PLEKHD1: variants seen among roughly 807,000 people sequenced by gnomAD.
PLEKHD1 encodes the protein pleckstrin homology and coiled-coil domain containing D1.
PLEKHD1 carries 51 observed loss-of-function variants against 69.2 expected under a neutral mutation model. The ratio of observed to expected loss-of-function variants is 0.74; its 90% CI spans 0.59 to 0.93. The LOEUF (loss-of-function observed/expected upper bound fraction) is 0.93. PLEKHD1 is among the 40% of genes least tolerant of loss of function. The pLI is 0.00. For synonymous variants in PLEKHD1, 236 were observed against 244.7 expected, an observed-to-expected ratio of 0.96 and a Z score of 0.33; for missense variants, 584 against 641.0, an observed-to-expected ratio of 0.91 and a Z score of 0.96.
the PLEKHD1 span, among the ~76,000 whole-genome samples, chr14:69,470,828 A>C: frequency 6.6e-6 from 1 of 151,218 alleles, no homozygotes; most frequent in African/African-American, 2.4e-5. Context: ...GTGCAGTGGC[A>C]TGATCTTGGC....
At position 69,500,216 on chromosome 14, in the gene PLEKHD1, G is replaced by T; in HGVS notation, c.243+8G>T. 1.3e-6 allele frequency: 2 copies of T among 1,539,416 alleles called. No individual in the cohort carries two copies. Among genetic ancestry groups the T allele is most frequent in the East Asian group, 2.4e-5 (1 of 40,862 alleles). ...TTCAATATACATCCTAAGGTGAGGC[G>T]GCCCCTCCCAGGGCCACAGCAGGGG... On this transcript the variant is annotated splice_region_variant and intron_variant, in intron 2 of 12. Coordinates refer to ENST00000322564, the MANE Select transcript of PLEKHD1 (RefSeq NM_001161498.2).
At chr14:69,482,994 G>A (rs1357649314), upstream of PLEKHD1, among the ~76,000 whole-genome samples, 3 of 152,294 alleles carry the variant, frequency 2.0e-5, no homozygotes, top group East Asian at 5.8e-4. Context: ...ATTAGACCAT[G>A]TGTCAGAAAT....
At position 69,502,799 on chromosome 14, in the gene PLEKHD1, A is replaced by ATG. The variant is rs149244621; in HGVS notation, c.503-15_503-14dup. On this transcript the variant is annotated intron_variant, in intron 5 of 12. Coordinates refer to ENST00000322564, the MANE Select transcript of PLEKHD1 (RefSeq NM_001161498.2). ...AGAGCACTTTCCTGATTGTGTGTGC[A>ATG]TGTGTGTGTGTGTGCTTGTTTTGGC... 1.4e-4 allele frequency: 219 copies of ATG among 1,536,098 alleles called. 1 individual carries two copies. The highest frequency in any genetic ancestry group is 3.4e-4 in the Middle Eastern group (2 of 5,970).
rs189743931 is a variant in PLEKHD1, at chr14:69,501,711, T to A, written c.411-23T>A. ...CTGTTTCTTCCTCTTCTCTCCTCTGTCCCATCTGCCCTCCCTCCCCAGGAC... is the reference window on the plus strand; with the variant it reads ...CTGTTTCTTCCTCTTCTCTCCTCTGACCCATCTGCCCTCCCTCCCCAGGAC... On this transcript the variant is annotated intron_variant, in intron 4 of 12. Transcript: ENST00000322564. The A allele has an allele frequency of 4.3e-5, 65 of 1,517,854 alleles. No homozygotes were observed. In the Middle Eastern group the frequency reaches 1.9e-3, roughly 43 times the overall value. The allele number at this position is 1,517,854 out of a possible 1,614,324, so 94.0% of individuals were successfully genotyped here.
At position 69,526,101 on chromosome 14, in the gene PLEKHD1, A is replaced by G. The variant is rs1374249898; in HGVS notation, c.902A>G (p.Glu301Gly). 6.4e-7 allele frequency: 1 copy of G among 1,550,714 alleles called. No homozygotes were observed. Among genetic ancestry groups the G allele is most frequent in the Non-Finnish European group, 8.7e-7 (1 of 1,146,668 alleles). The change falls in exon 9 of 13, where the codon GAG (glutamate) becomes GGG (glycine). Residue 301 changes from glutamate (E) to glycine (G), a missense_variant. Coordinates refer to ENST00000322564, the MANE Select transcript of PLEKHD1 (RefSeq NM_001161498.2). ...GAGAAGATGCAGCAGCTCTTAGAGG[A>G]GAAGCTCCTGGCAGAGAAGCGGTGA... ...IEEKMQQLLE[E>G]KLLAEKRMKE...
chr14:69,522,219 G>T, intron 6 of PLEKHD1, 64 bp from the exon 7 acceptor site: 1 of 1,445,256 alleles, frequency 6.9e-7, no homozygotes. Flanking sequence ...GATAGAGTGG[G>T]GGATCCTGAT....
At position 69,502,927 on chromosome 14, in the gene PLEKHD1, C is replaced by A. The variant is rs752306330; in HGVS notation, c.555+48C>A. 1.9e-6 allele frequency: 3 copies of A among 1,542,140 alleles called. No homozygotes were observed. The African/African-American group carries it at 4.1e-5, about 21-fold the overall frequency. ...TCAGCAGCCGTGGTGTAATGGCTCA[C>A]GTTTCTAGCACTAGGGAATGATGCA... On this transcript the variant is annotated intron_variant, in intron 6 of 12. Coordinates refer to ENST00000322564, the MANE Select transcript of PLEKHD1 (RefSeq NM_001161498.2).
At chr14:69,518,406 T>C (rs565297861) in intron 6 of PLEKHD1, among the ~76,000 whole-genome samples, 1 of 152,298 alleles carries the variant, frequency 6.6e-6, no homozygotes, top group South Asian at 2.1e-4. Context: ...CTGTTTTTGC[T>C]TATCTTCATA....
At chr14:69,506,971 C>T (rs931626342) in intron 6 of PLEKHD1, among the ~76,000 whole-genome samples, 3 of 143,652 alleles carry the variant, frequency 2.1e-5, no homozygotes, top group Non-Finnish European at 4.5e-5. Context: ...GGCGCGATCT[C>T]GGCTCACTGC....
the PLEKHD1 span, among the ~76,000 whole-genome samples, chr14:69,475,569 TGAG>T: frequency 6.6e-6 from 1 of 152,208 alleles, no homozygotes; most frequent in Non-Finnish European, 1.5e-5. Flanking sequence ...GCCCTGCTGA[TGAG>T]AACACAGCCC....
intron 1 of PLEKHD1, among the ~76,000 whole-genome samples, chr14:69,498,936 G>A (rs1882959035): frequency 6.6e-6 from 1 of 152,122 alleles, no homozygotes; most frequent in Admixed American, 6.5e-5. Flanking sequence ...ACAGGTGTGA[G>A]CCACAGAACC....
chr14:69,507,903 G>A (rs1275938959), intron 6 of PLEKHD1, among the ~76,000 whole-genome samples: 2 of 151,950 alleles, frequency 1.3e-5, no homozygotes, highest in East Asian at 3.9e-4. Context: ...TATAGAGATG[G>A]GGTCTCCTTA....
intron 1 of PLEKHD1, among the ~76,000 whole-genome samples, chr14:69,488,478 C>A (rs1245353100): frequency 6.6e-6 from 1 of 152,152 alleles, no homozygotes; most frequent in Non-Finnish European, 1.5e-5. Flanking sequence ...CCTCAGCTGG[C>A]TGTGTGAGGT....
At chr14:69,516,755 G>A (rs1227174461) in intron 6 of PLEKHD1, among the ~76,000 whole-genome samples, 2 of 151,790 alleles carry the variant, frequency 1.3e-5, no homozygotes, top group Non-Finnish European at 2.9e-5. Flanking sequence ...CTGCAGCCTC[G>A]ACCTCCTGGG....
intron 1 of PLEKHD1, among the ~76,000 whole-genome samples, chr14:69,493,990 G>T (rs151011510): frequency 6.6e-6 from 1 of 152,190 alleles, no homozygotes; most frequent in Non-Finnish European, 1.5e-5. Context: ...GGAGGTCAGG[G>T]AGCTGGCCAG....
At chr14:69,480,933 A>G (rs984913911), upstream of PLEKHD1, among the ~76,000 whole-genome samples, 1 of 152,224 alleles carries the variant, frequency 6.6e-6, no homozygotes, top group African/African-American at 2.4e-5. Context: ...AATTACAGGC[A>G]TGGGCCACCA....
the PLEKHD1 span, among the ~76,000 whole-genome samples, chr14:69,474,938 C>T: frequency 6.6e-6 from 1 of 152,112 alleles, no homozygotes; most frequent in Non-Finnish European, 1.5e-5. Flanking sequence ...TCAATGTGAC[C>T]TCGAGTTCCT....
chr14:69,505,263 T>C (rs1288003350), intron 6 of PLEKHD1, among the ~76,000 whole-genome samples: 1 of 152,194 alleles, frequency 6.6e-6, no homozygotes, highest in Non-Finnish European at 1.5e-5. Context: ...AGCTGCATGC[T>C]CTAGATCTGG....
At chr14:69,504,035 T>C (rs57723763) in intron 6 of PLEKHD1, among the ~76,000 whole-genome samples, 25,367 of 152,144 alleles carry the variant, frequency 0.17, 2,280 homozygotes, top group African/African-American at 0.2. Context: ...CTTTGTGACC[T>C]CAGGCAAGTT....
Sources: gnomAD v4.1 joint callset for allele counts (sites outside exome capture counted in the v4.1 genomes callset) on GRCh38, gnomAD v4.1.1 for gene constraint, MANE v1.5 for transcripts, NCBI Gene and HGNC (gene_info 2026-07-23, HGNC 2026-07-21) for gene names.